Variants in PLCG2 observed in about 807,000 individuals in gnomAD.
PLCG2 encodes the protein 1-phosphatidylinositol 4,5-bisphosphate phosphodiesterase gamma-2.
In PLCG2, 69 loss-of-function variants were observed where a neutral mutation model predicts 175.6. That is an observed-to-expected ratio of 0.39 (90% confidence interval 0.32 to 0.48). PLCG2 has a LOEUF of 0.48. Ranked by LOEUF, PLCG2 falls within the 20% of genes least tolerant of loss-of-function variation. PLCG2 has a pLI of 0.91. For synonymous variants in PLCG2, 827 were observed against 624.0 expected (o/e 1.33, Z -4.85); for missense variants, 1,798 against 1,650.9 (o/e 1.09, Z -1.54).
intron 2 of PLCG2, among the ~76,000 whole-genome samples, chr16:81,819,775 G>A (rs1292268711): frequency 3.3e-5 from 5 of 152,024 alleles, no homozygotes; most frequent in Non-Finnish European, 7.4e-5. Context: ...AGCAGAGATG[G>A]GGGTTTCACC....
At chr16:81,828,691 G>T (rs1306189083) in intron 2 of PLCG2, among the ~76,000 whole-genome samples, 1 of 152,284 alleles carries the variant, frequency 6.6e-6, no homozygotes, top group South Asian at 2.1e-4. Context: ...AGTCGTCTGA[G>T]ACTCAGTTTC....
intron 2 of PLCG2, among the ~76,000 whole-genome samples, chr16:81,762,874 A>T (rs578143220): frequency 6.6e-6 from 1 of 152,256 alleles, no homozygotes; most frequent in East Asian, 1.9e-4. Context: ...CCTCAGCAAC[A>T]TAGTGAAACC....
At chr16:81,819,024 A>C (rs1904677961) in intron 2 of PLCG2, among the ~76,000 whole-genome samples, 1 of 151,680 alleles carries the variant, frequency 6.6e-6, no homozygotes, top group African/African-American at 2.4e-5. Context: ...AGGCAGGTGT[A>C]ACTCCTTCAA....
intron 2 of PLCG2, among the ~76,000 whole-genome samples, chr16:81,843,561 C>T (rs1447610739): frequency 5.9e-5 from 9 of 152,156 alleles, no homozygotes; most frequent in African/African-American, 1.7e-4. Flanking sequence ...ATATTTTTCG[C>T]GTGAATACAA....
rs567090354 is a variant in PLCG2 at position 81,880,965 on chromosome 16, C to T, written c.692+12C>T. ...GTGTTCATCCTGGGGTGAGGCAGCT[C>T]TTGTGTGTCGTTCGGGGCGGCTGTG... On this transcript the variant is annotated intron_variant, in intron 8 of 32. Transcript: ENST00000564138. 2 of 1,613,836 alleles carry T rather than the reference C, an allele frequency of 1.2e-6. No individual in the cohort carries two copies. The highest frequency in any genetic ancestry group is 1.7e-6 in the Non-Finnish European group (2 of 1,179,848).
At chr16:81,800,850 G>A (rs1048013299) in intron 2 of PLCG2, among the ~76,000 whole-genome samples, 6 of 152,080 alleles carry the variant, frequency 3.9e-5, no homozygotes, top group Non-Finnish European at 8.8e-5. Context: ...TGGATTATCT[G>A]GGTGGATATG....
chr16:81,813,608 T>C (rs936247942), intron 2 of PLCG2, among the ~76,000 whole-genome samples: 1 of 152,232 alleles, frequency 6.6e-6, no homozygotes, highest in African/African-American at 2.4e-5. Context: ...ACAACAATTC[T>C]GTGGGTCAGG....
intron 2 of PLCG2, among the ~76,000 whole-genome samples, chr16:81,848,693 C>G (rs890628972): frequency 6.6e-6 from 1 of 152,162 alleles, no homozygotes; most frequent in African/African-American, 2.4e-5. Context: ...TTTCCTCTTT[C>G]CAAGAACTAC....
chr16:81,949,232 A>G (rs761792858), intron 31 of PLCG2, among the ~76,000 whole-genome samples: 10 of 152,250 alleles, frequency 6.6e-5, no homozygotes, highest in South Asian at 4.1e-4. Flanking sequence ...TATTAATGAA[A>G]TAGCGAATAA....
chr16:81,781,793 C>T (rs1467584850), intron 1 of PLCG2, among the ~76,000 whole-genome samples: 2 of 152,160 alleles, frequency 1.3e-5, no homozygotes, highest in African/African-American at 2.4e-5. Context: ...GCTTACCATG[C>T]ACAGAGCACT....
chr16:81,887,632 G>T (rs1908435892), intron 9 of PLCG2, among the ~76,000 whole-genome samples: 1 of 152,152 alleles, frequency 6.6e-6, no homozygotes, highest in South Asian at 2.1e-4. Context: ...ATTTGTGTCT[G>T]TTCTTCTATT....
chr16:81,857,822 C>T (rs997582540), intron 3 of PLCG2: 39 of 163,894 alleles, frequency 2.4e-4, no homozygotes, highest in African/African-American at 8.8e-4. Context: ...GGACACATGA[C>T]TGAACCTGTC....
chr16:81,956,932 G>C, intron 32 of PLCG2, 53 bp downstream of exon 32: 7 of 1,470,060 alleles, frequency 4.8e-6, no homozygotes, highest in Non-Finnish European at 6.6e-6. Flanking sequence ...TAGGCACGGT[G>C]ATGATGGGCA....
intron 2 of PLCG2, among the ~76,000 whole-genome samples, chr16:81,767,304 C>G (rs1277051180): frequency 6.6e-6 from 1 of 151,978 alleles, no homozygotes; most frequent in Non-Finnish European, 1.5e-5. Flanking sequence ...GCCAACATGC[C>G]TGGCTAATTT....
intron 5 of PLCG2, among the ~76,000 whole-genome samples, chr16:81,867,287 A>C (rs1907289485): frequency 1.3e-5 from 2 of 152,120 alleles, no homozygotes; most frequent in Admixed American, 6.5e-5. Flanking sequence ...TCCTCTCTTG[A>C]CCACTCTGTC....
intron 10 of PLCG2, among the ~76,000 whole-genome samples, chr16:81,889,914 C>G (rs1908552313): frequency 6.6e-6 from 1 of 152,170 alleles, no homozygotes; most frequent in East Asian, 1.9e-4. Flanking sequence ...CTCAGCTTCC[C>G]AAAGTACTGG....
chr16:81,861,817 G>A (rs1906996669), intron 5 of PLCG2, among the ~76,000 whole-genome samples: 2 of 152,200 alleles, frequency 1.3e-5, no homozygotes, highest in South Asian at 4.1e-4. Context: ...CGTTTGTGAG[G>A]TCAAGAAATG....
chr16:81,957,295 T>TCAAA (rs140592379), intron 32 of PLCG2, among the ~76,000 whole-genome samples: 8,463 of 151,808 alleles, frequency 0.056, 300 homozygotes, highest in African/African-American at 0.082. Context: ...GGAGACTCTG[T>TCAAA]CAAACAAACA....
upstream of PLCG2, among the ~76,000 whole-genome samples, chr16:81,778,026 A>AAAC (rs1555505426): frequency 0.099 from 8,227 of 83,426 alleles, 762 homozygotes; most frequent in African/African-American, 0.2. Flanking sequence ...CAAAAAAAAA[A>AAAC]AAAAACAAAA....
Sources: gnomAD v4.1 joint callset for allele counts (sites outside exome capture counted in the v4.1 genomes callset) on GRCh38, gnomAD v4.1.1 for gene constraint, MANE v1.5 for transcripts, NCBI Gene and HGNC (gene_info 2026-07-23, HGNC 2026-07-21) for gene names.